Variants in TRIQK observed in about 807,000 individuals in gnomAD.
TRIQK encodes triple QxxK/R motif containing, also known as triple QxxK/R motif-containing protein.
A neutral mutation model predicts 10.8 loss-of-function variants in TRIQK; 10 were observed. The ratio of observed to expected loss-of-function variants is 0.92; its 90% CI spans 0.57 to 1.57. The LOEUF (loss-of-function observed/expected upper bound fraction) is 1.57. TRIQK is among the 40% of genes most tolerant of loss of function. The pLI, the probability that TRIQK is intolerant of heterozygous loss-of-function variation, is 0.00. For synonymous variants in TRIQK, 33 were observed against 33.7 expected (o/e 0.98, Z 0.07); for missense variants, 107 against 97.7 (o/e 1.09, Z -0.40).
chr8:92,947,858 G>A (rs1036292408), intron 2 of TRIQK, among the ~76,000 whole-genome samples: 1 of 152,100 alleles, frequency 6.6e-6, no homozygotes, highest in African/African-American at 2.4e-5. Context: ...GTAACACTGA[G>A]ATGACTTGAG....
At chr8:92,912,868 G>C (rs59183045) in intron 3 of TRIQK, among the ~76,000 whole-genome samples, 1 of 151,704 alleles carries the variant, frequency 6.6e-6, no homozygotes, top group Admixed American at 6.6e-5. Flanking sequence ...AGTACTAGAT[G>C]ACTTCAATTC....
At chr8:92,912,889 T>TA (rs921268071) in intron 3 of TRIQK, among the ~76,000 whole-genome samples, 37 of 150,712 alleles carry the variant, frequency 2.5e-4, no homozygotes, top group African/African-American at 7.3e-4. Flanking sequence ...TATGAAACAT[T>TA]AAAAAAAAAT....
intron 1 of TRIQK, among the ~76,000 whole-genome samples, chr8:92,978,604 G>C (rs1563671610): frequency 6.6e-6 from 1 of 152,130 alleles, no homozygotes; most frequent in East Asian, 1.9e-4. Context: ...CTTAATTGAA[G>C]TGTATGGACC....
chr8:93,003,361 A>G (rs962037476), intron 1 of TRIQK, among the ~76,000 whole-genome samples: 6 of 148,072 alleles, frequency 4.1e-5, no homozygotes, highest in African/African-American at 1.5e-4. Flanking sequence ...GAAGTGTTAC[A>G]CACATTCAAA....
At chr8:92,981,646 T>G (rs1161689434) in intron 1 of TRIQK, among the ~76,000 whole-genome samples, 8 of 151,910 alleles carry the variant, frequency 5.3e-5, no homozygotes, top group African/African-American at 1.9e-4. Flanking sequence ...TTAAGGCTGT[T>G]TACTGTAAAT....
At chr8:92,997,404 G>T (rs1813163064) in intron 1 of TRIQK, among the ~76,000 whole-genome samples, 1 of 152,012 alleles carries the variant, frequency 6.6e-6, no homozygotes, top group Non-Finnish European at 1.5e-5. Context: ...GAAGGCTAAA[G>T]GATTTAGGAC....
At chr8:92,894,363 T>C (rs546935785) in intron 3 of TRIQK, among the ~76,000 whole-genome samples, 21 of 152,176 alleles carry the variant, frequency 1.4e-4, no homozygotes, top group African/African-American at 1.9e-4. Flanking sequence ...TAAATATTTA[T>C]GGCTTCAAGA....
intron 3 of TRIQK, among the ~76,000 whole-genome samples, chr8:92,904,678 A>C (rs1257344960): frequency 6.6e-6 from 1 of 152,148 alleles, no homozygotes; most frequent in Non-Finnish European, 1.5e-5. Flanking sequence ...CTGCAGGAGT[A>C]GATAAACTCC....
chr8:92,984,929 G>A (rs16915408), intron 1 of TRIQK, among the ~76,000 whole-genome samples: 15,617 of 152,056 alleles, frequency 0.1, 1,903 homozygotes, highest in African/African-American at 0.29. Flanking sequence ...CTCAACTGTT[G>A]TGTATAATGC....
chr8:92,899,932 T>C (rs1179201490), intron 3 of TRIQK, among the ~76,000 whole-genome samples: 5 of 83,722 alleles, frequency 6.0e-5, no homozygotes, highest in African/African-American at 1.4e-4. Context: ...ACCTTTTGGA[T>C]AAAAGCCATT....
At chr8:92,959,489 A>G (rs1285923781) in intron 1 of TRIQK, among the ~76,000 whole-genome samples, 1 of 95,054 alleles carries the variant, frequency 1.1e-5, no homozygotes, top group Admixed American at 9.0e-5. Context: ...ATACACACAC[A>G]CACACACACA....
At chr8:92,888,780 T>C (rs1206741092) in intron 4 of TRIQK, among the ~76,000 whole-genome samples, 5 of 151,612 alleles carry the variant, frequency 3.3e-5, no homozygotes, top group Non-Finnish European at 7.4e-5. Context: ...GAATATTTTA[T>C]TTATGTAACA....
intron 1 of TRIQK, among the ~76,000 whole-genome samples, 180 bp from the exon 2 acceptor site, chr8:92,954,744 T>C (rs1369345588): frequency 6.6e-6 from 1 of 151,926 alleles, no homozygotes; most frequent in Non-Finnish European, 1.5e-5. Context: ...ATGTTGCATA[T>C]TATGCCCCAT....
At chr8:92,961,673 T>C (rs1366284368) in intron 1 of TRIQK, among the ~76,000 whole-genome samples, 1 of 152,226 alleles carries the variant, frequency 6.6e-6, no homozygotes, top group Non-Finnish European at 1.5e-5. Context: ...ATATAGTTCA[T>C]TATTCCATAC....
At chr8:92,956,615 G>A (rs1479794455) in intron 1 of TRIQK, among the ~76,000 whole-genome samples, 1 of 151,550 alleles carries the variant, frequency 6.6e-6, no homozygotes, top group Non-Finnish European at 1.5e-5. Flanking sequence ...AAAATGTTTG[G>A]GCCAGATATG....
intron 1 of TRIQK, among the ~76,000 whole-genome samples, chr8:92,962,823 G>A (rs903001875): frequency 1.3e-5 from 2 of 152,174 alleles, no homozygotes; most frequent in Non-Finnish European, 2.9e-5. Flanking sequence ...GTAAGTAAGC[G>A]TATCTGTTCC....
chr8:92,945,476 A>G (rs190849551), intron 2 of TRIQK, among the ~76,000 whole-genome samples: 2 of 152,322 alleles, frequency 1.3e-5, no homozygotes, highest in Non-Finnish European at 2.9e-5. Context: ...GTGAGCTTTG[A>G]CCAATGTGAA....
intron 2 of TRIQK, among the ~76,000 whole-genome samples, chr8:92,951,351 G>T (rs1359079441): frequency 6.6e-6 from 1 of 151,904 alleles, no homozygotes; most frequent in Non-Finnish European, 1.5e-5. Flanking sequence ...AAAAATCAGC[G>T]CTCTTTTTGG....
At chr8:93,004,542 C>T (rs1813248717) in intron 1 of TRIQK, among the ~76,000 whole-genome samples, 1 of 152,226 alleles carries the variant, frequency 6.6e-6, no homozygotes, top group South Asian at 2.1e-4. Context: ...ATTTCTGCAG[C>T]CTTGAATTCC....
Sources: allele counts gnomAD v4.1 joint callset (sites outside exome capture counted in the v4.1 genomes callset), GRCh38; gene constraint gnomAD v4.1.1; transcripts MANE v1.5; gene names NCBI Gene and HGNC (gene_info 2026-07-23, HGNC 2026-07-21).